UGP2: variants seen among roughly 807,000 people sequenced by gnomAD.
The protein encoded by UGP2 is UTP--glucose-1-phosphate uridylyltransferase.
A neutral mutation model predicts 49.0 loss-of-function variants in UGP2; 40 were observed. The ratio of observed to expected loss-of-function variants is 0.82; its 90% CI spans 0.63 to 1.06. UGP2 has a LOEUF of 1.06. UGP2 is among the 50% of genes least tolerant of loss of function. The pLI is 0.00. For synonymous variants in UGP2, 225 were observed against 213.0 expected (o/e 1.06, Z -0.49); for missense variants, 460 against 603.5 (o/e 0.76, Z 2.49).
intron 1 of UGP2, chr2:63,842,615 A>G (rs1469854192): frequency 6.9e-7 from 1 of 1,449,972 alleles, no homozygotes; most frequent in African/African-American, 1.4e-5. Context: ...TTTTGCCGGG[A>G]CTGTTGGGGA....
intron 2 of UGP2, among the ~76,000 whole-genome samples, chr2:63,857,164 G>A (rs957533775): frequency 9.2e-5 from 14 of 152,022 alleles, no homozygotes; most frequent in Non-Finnish European, 2.9e-5. Context: ...AGCCAGGCAT[G>A]GTGGTATGCG....
At chr2:63,878,076 T>A (rs1671045309) in intron 3 of UGP2, among the ~76,000 whole-genome samples, 1 of 150,522 alleles carries the variant, frequency 6.6e-6, no homozygotes, top group South Asian at 2.1e-4. Flanking sequence ...TCTTAGCAGT[T>A]CTGGCGATTG....
chr2:63,880,134 C>T (rs1057159885), intron 3 of UGP2, among the ~76,000 whole-genome samples: 2 of 151,676 alleles, frequency 1.3e-5, no homozygotes, highest in African/African-American at 4.8e-5. Context: ...TCTTTCTTTC[C>T]TTCCTCTCCT....
chr2:63,858,485 G>A (rs1462371724), intron 3 of UGP2, among the ~76,000 whole-genome samples: 1 of 151,288 alleles, frequency 6.6e-6, no homozygotes, highest in Non-Finnish European at 1.5e-5. Flanking sequence ...ATGTCTTTCA[G>A]TTCTTAATGT....
At chr2:63,886,110 A>G (rs1671653671) in intron 6 of UGP2, among the ~76,000 whole-genome samples, 1 of 152,214 alleles carries the variant, frequency 6.6e-6, no homozygotes, top group Admixed American at 6.5e-5. Context: ...AATTTCATAC[A>G]TATTTATGGC....
chr2:63,867,430 T>C (rs1670258123), intron 3 of UGP2, among the ~76,000 whole-genome samples: 1 of 152,184 alleles, frequency 6.6e-6, no homozygotes. Flanking sequence ...TATAGGATTT[T>C]AGTGAGGATT....
At chr2:63,870,869 G>A (rs1670502407) in intron 3 of UGP2, among the ~76,000 whole-genome samples, 1 of 152,130 alleles carries the variant, frequency 6.6e-6, no homozygotes, top group East Asian at 1.9e-4. Context: ...GTGATAGGAG[G>A]CGGTAGCTCC....
chr2:63,841,307 T>C (rs1174263595), upstream of UGP2: 1 of 151,458 alleles, frequency 6.6e-6, no homozygotes, highest in Non-Finnish European at 1.5e-5. Flanking sequence ...TGTTTCCCGC[T>C]CTCGCTGGCC....
intron 2 of UGP2, chr2:63,857,430 C>A: frequency 3.1e-6 from 1 of 325,170 alleles, no homozygotes; most frequent in Non-Finnish European, 6.2e-6. Flanking sequence ...GTGGTGCAAT[C>A]TCTGCTCACT....
intron 3 of UGP2, among the ~76,000 whole-genome samples, chr2:63,868,069 A>G (rs1670295018): frequency 6.6e-6 from 1 of 152,274 alleles, no homozygotes; most frequent in Non-Finnish European, 1.5e-5. Context: ...ACCTTTAACC[A>G]GCAACTCCAA....
chr2:63,861,696 A>AAG (rs1553462878), intron 3 of UGP2, among the ~76,000 whole-genome samples: 1 of 151,414 alleles, frequency 6.6e-6, no homozygotes, highest in African/African-American at 2.4e-5. Context: ...TCAAAAAAAA[A>AAG]AAAAAAACAA....
chr2:63,869,199 A>G (rs934110496), intron 3 of UGP2, among the ~76,000 whole-genome samples: 6 of 152,140 alleles, frequency 3.9e-5, no homozygotes, highest in Non-Finnish European at 5.9e-5. Context: ...ATGAACAGAG[A>G]ATGAAGGGGT....
intron 3 of UGP2, among the ~76,000 whole-genome samples, chr2:63,859,712 G>T (rs1173110810): frequency 6.6e-6 from 1 of 152,164 alleles, no homozygotes; most frequent in Non-Finnish European, 1.5e-5. Context: ...GATGTAACAT[G>T]ATTTTATGCC....
intron 1 of UGP2, among the ~76,000 whole-genome samples, chr2:63,854,093 CTG>C (rs1669222835): frequency 1.3e-5 from 2 of 152,290 alleles, no homozygotes; most frequent in African/African-American, 4.8e-5. Flanking sequence ...TTCTGCCTCA[CTG>C]TGGTGGAATG....
chr2:63,871,653 A>G (rs969285740), intron 3 of UGP2, among the ~76,000 whole-genome samples: 1 of 152,210 alleles, frequency 6.6e-6, no homozygotes, highest in African/African-American at 2.4e-5. Context: ...TCTGTTACCA[A>G]TTACATATTA....
At chr2:63,855,303 C>G (rs1191896179) in intron 1 of UGP2, 1 of 351,088 alleles carries the variant, frequency 2.8e-6, no homozygotes, top group Non-Finnish European at 5.6e-6. Context: ...GTAAAAATAA[C>G]TAGTTATCAA....
At chr2:63,891,019 C>T in intron 9 of UGP2, 101 bp from the exon 10 acceptor site, 1 of 857,986 alleles carries the variant, frequency 1.2e-6, no homozygotes, top group Non-Finnish European at 1.7e-6. Context: ...AAAGTTACTT[C>T]ACTGTAAAAA....
chr2:63,886,133 C>T (rs1483858996), intron 6 of UGP2, among the ~76,000 whole-genome samples: 1 of 152,100 alleles, frequency 6.6e-6, no homozygotes, highest in Non-Finnish European at 1.5e-5. Flanking sequence ...AAATCTGAAA[C>T]ATGTGAAATC....
intron 3 of UGP2, among the ~76,000 whole-genome samples, chr2:63,868,372 T>C (rs1670313271): frequency 6.6e-6 from 1 of 152,196 alleles, no homozygotes; most frequent in Admixed American, 6.5e-5. Context: ...GGCAAAACCT[T>C]GGAAATGTCT....
Sources: allele counts gnomAD v4.1 joint callset (sites outside exome capture counted in the v4.1 genomes callset), GRCh38; gene constraint gnomAD v4.1.1; transcripts MANE v1.5; gene names NCBI Gene and HGNC (gene_info 2026-07-23, HGNC 2026-07-21).